CUL4A: variants seen among roughly 807,000 people sequenced by gnomAD.
The protein encoded by CUL4A is cullin 4A.
A neutral mutation model predicts 95.5 loss-of-function variants in CUL4A; 16 were observed. The ratio of observed to expected loss-of-function variants is 0.17; its 90% CI spans 0.11 to 0.25. CUL4A has a LOEUF of 0.25. CUL4A is among the 10% of genes least tolerant of loss of function. The probability of loss-of-function intolerance (pLI) is 1.00; values close to 1 mark genes in which losing one functional copy is unlikely to be tolerated. For missense variants in CUL4A, 610 were observed against 937.0 expected, an observed-to-expected ratio of 0.65 and a Z score of 4.56; for synonymous variants, 380 against 353.1, an observed-to-expected ratio of 1.08 and a Z score of -0.85.
intron 19 of CUL4A, among the ~76,000 whole-genome samples, chr13:113,262,243 A>C (rs1303202115): frequency 6.6e-6 from 1 of 152,228 alleles, no homozygotes; most frequent in Non-Finnish European, 1.5e-5. Flanking sequence ...CTGGGCAGAG[A>C]CAGGCTGTGG....
At position 113,245,186 on chromosome 13, in the gene CUL4A, C is replaced by T; in HGVS notation, c.1479C>T (p.Gly493=). 6.2e-7 allele frequency: 1 copy of T among 1,614,196 alleles called. No individual in the cohort carries two copies. The highest frequency in any genetic ancestry group is 8.5e-7 in the Non-Finnish European group (1 of 1,180,032). Residue 493 remains glycine (G), a synonymous_variant, in exon 14 of 20, where the codon GGC becomes GGT. Transcript: ENST00000375440. ...CGAAFTSKLE[G]MFKDMELSKD... is the part of the protein sequence containing the mutation. ...CAGCCTTCACCAGCAAGCTGGAAGG[C>T]ATGTTCAAGGACATGGAGCTTTCGA...
At chr13:113,250,790 C>G (rs1365583553) in intron 15 of CUL4A, among the ~76,000 whole-genome samples, 1 of 152,112 alleles carries the variant, frequency 6.6e-6, no homozygotes, top group East Asian at 1.9e-4. Flanking sequence ...AAAAGAGTTC[C>G]TGTCCTTTAG....
chr13:113,223,052 A>T (rs778728224), intron 3 of CUL4A, among the ~76,000 whole-genome samples: 26 of 152,240 alleles, frequency 1.7e-4, no homozygotes, highest in Admixed American at 1.4e-3. Context: ...GTCTGAGGGG[A>T]TGATGAGACC....
upstream of CUL4A, chr13:113,208,592 G>A: frequency 2.5e-6 from 4 of 1,603,946 alleles, no homozygotes; most frequent in Non-Finnish European, 3.4e-6. Flanking sequence ...CCCCGGCTAG[G>A]ACCCACCTGC....
At position 113,264,008 on chromosome 13, in the gene CUL4A, A is replaced by T. The variant is rs912265012; in HGVS notation, c.*426A>T. 5.8e-5 allele frequency: 9 copies of T among 153,976 alleles called. No homozygotes were observed. Among genetic ancestry groups the T allele is most frequent in the African/African-American group, 2.2e-4 (9 of 41,508 alleles). 9.5% of individuals were successfully genotyped at this position (153,976 alleles called of 1,614,324 possible). On this transcript the variant is annotated 3_prime_UTR_variant, in exon 20 of 20. Coordinates refer to ENST00000375440, the MANE Select transcript of CUL4A (RefSeq NM_001008895.4). The stretch of plus-strand genomic sequence containing the variant: ...AGATTCCTTAGGTATCCCTGAAGAC[A>T]GCTCGCTCAGATGATCAGCATTTAG...
rs1475564378 is a variant in CUL4A at position 113,246,025 on chromosome 13, C to G, written c.1600C>G (p.Pro534Ala). ...TVNILTMGYW[P>A]TYTPMEVHLT... ...GAACATACTCACAATGGGCTACTGG[C>G]CAACATACACGCCCATGGAAGTGCA... Residue 534 changes from proline (P) to alanine (A), a missense_variant, in exon 15 of 20, where the codon CCA (proline) becomes GCA (alanine). Transcript: ENST00000375440. The G allele has an allele frequency of 6.2e-7, 1 of 1,613,842 alleles. No homozygotes were observed.
In CUL4A at chr13:113,255,180, T is replaced by C. The variant is rs552738194; in HGVS notation, c.2031+55T>C. On this transcript the variant is annotated intron_variant, in intron 18 of 19. Coordinates refer to ENST00000375440, the MANE Select transcript of CUL4A (RefSeq NM_001008895.4). ...AGGGGGTTTAGCAGGGAATCATTTG[T>C]TTTTGTAGTAATGTTTTTGGCTGTT... The C allele has an allele frequency of 4.3e-6, 6 of 1,393,054 alleles. No individual in the cohort carries two copies. In the Admixed American group the frequency reaches 8.4e-5, roughly 20 times the overall value. 86.3% of individuals were successfully genotyped at this position (1,393,054 alleles called of 1,614,324 possible). A position where few individuals can be genotyped will look rare whatever the true frequency, so the allele number is the denominator to read the frequency against.
chr13:113,244,763 G>A (rs184662927), intron 12 of CUL4A, among the ~76,000 whole-genome samples, 186 bp from the exon 13 acceptor site: 193 of 151,944 alleles, frequency 1.3e-3, no homozygotes, highest in African/African-American at 4.3e-3. Flanking sequence ...TGGCGTGAAC[G>A]CGGGAGGCGG....
chr13:113,232,696 A>G (rs1429559894), intron 5 of CUL4A, among the ~76,000 whole-genome samples: 8 of 152,160 alleles, frequency 5.3e-5, no homozygotes, highest in East Asian at 1.9e-4. Flanking sequence ...GAAAGCAGCA[A>G]ACATTTGGTA....
intron 3 of CUL4A, among the ~76,000 whole-genome samples, chr13:113,222,503 C>T (rs117176506): frequency 0.03 from 4,509 of 151,264 alleles, 100 homozygotes; most frequent in Middle Eastern, 0.088. Context: ...CGGATTGAGG[C>T]GGGGAGGGTC....
At position 113,260,701 on chromosome 13, in the gene CUL4A, C is replaced by T. The variant is rs768003702; in HGVS notation, c.2126C>T (p.Thr709Ile). The T allele has an allele frequency of 6.8e-6, 11 of 1,608,642 alleles. No homozygotes were observed. The Admixed American group carries it at 1.5e-4, about 22-fold the overall frequency. The change falls in exon 19 of 20, where the codon ACT becomes ATT. Residue 709 changes from threonine (T) to isoleucine (I), a missense_variant. Transcript: ENST00000375440. ...GTCAGAATAATGAAGATGAGAAAGA[C>T]TCTTGGTCATAATCTTCTAGTTTCT... Reference protein sequence around the residue: ...AIVRIMKMRKTLGHNLLVSEL... With the variant: ...AIVRIMKMRKILGHNLLVSEL...
intron 1 of CUL4A, 83 bp from the exon 2 acceptor site, chr13:113,209,890 C>A: frequency 8.3e-7 from 1 of 1,209,360 alleles, no homozygotes; most frequent in South Asian, 3.0e-5. Context: ...GCGGGGGCGC[C>A]GGGGCGCCGG....
At chr13:113,230,618 G>A (rs2041275748) in intron 5 of CUL4A, among the ~76,000 whole-genome samples, 1 of 152,200 alleles carries the variant, frequency 6.6e-6, no homozygotes, top group Admixed American at 6.5e-5. Flanking sequence ...GCAAGGGACT[G>A]TTTCCTACTA....
At chr13:113,228,747 A>G (rs925044931) in intron 4 of CUL4A, among the ~76,000 whole-genome samples, 6 of 152,062 alleles carry the variant, frequency 3.9e-5, no homozygotes, top group African/African-American at 1.2e-4. Context: ...CAAGAGCCTC[A>G]TCATGTAACA....
intron 3 of CUL4A, among the ~76,000 whole-genome samples, chr13:113,220,579 A>C (rs112595592): frequency 3.2e-4 from 49 of 152,340 alleles, no homozygotes; most frequent in East Asian, 3.1e-3. Flanking sequence ...TCTTTAGCAG[A>C]TGCCCAAGCC....
chr13:113,256,698 A>ACCTCAAGTTGTGAGAATTAAATGAAT (rs2042128204), intron 18 of CUL4A, among the ~76,000 whole-genome samples: 1 of 152,166 alleles, frequency 6.6e-6, no homozygotes, highest in Non-Finnish European at 1.5e-5. Flanking sequence ...ACATACTACT[A>ACCTCAAGTTGTGAGAATTAAATGAAT]CCTCAAGTTG....
intron 2 of CUL4A, among the ~76,000 whole-genome samples, chr13:113,213,520 T>A (rs1031258115): frequency 6.6e-6 from 1 of 152,192 alleles, no homozygotes; most frequent in African/African-American, 2.4e-5. Flanking sequence ...AGGTCTTTGG[T>A]TTAATAAAAT....
chr13:113,261,203 C>G (rs1385549339), intron 19 of CUL4A, among the ~76,000 whole-genome samples: 2 of 152,196 alleles, frequency 1.3e-5, no homozygotes, highest in Non-Finnish European at 2.9e-5. Flanking sequence ...GGCCTGTCAA[C>G]CCGCGTTGTT....
intron 3 of CUL4A, among the ~76,000 whole-genome samples, chr13:113,222,615 T>C (rs1056242610): frequency 1.1e-4 from 16 of 152,210 alleles, no homozygotes; most frequent in African/African-American, 3.1e-4. Flanking sequence ...GCTCCAGACA[T>C]GGATGAGATG....
Sources: gnomAD v4.1 joint callset for allele counts (sites outside exome capture counted in the v4.1 genomes callset) on GRCh38, gnomAD v4.1.1 for gene constraint, MANE v1.5 for transcripts, NCBI Gene and HGNC (gene_info 2026-07-23, HGNC 2026-07-21) for gene names.